Variants in KLRG1 observed in about 807,000 individuals in gnomAD.
The protein encoded by KLRG1 is killer cell lectin like receptor G1.
KLRG1 carries 16 observed loss-of-function variants against 21.8 expected under a neutral mutation model. The observed-to-expected ratio is 0.73, with a 90% CI of 0.50 to 1.11. KLRG1 has a LOEUF of 1.11. Ranked by LOEUF, KLRG1 falls within the 50% of genes most tolerant of loss-of-function variation. KLRG1 has a pLI of 0.00. For missense variants in KLRG1, 173 were observed against 218.3 expected, an observed-to-expected ratio of 0.79 and a Z score of 1.31; for synonymous variants, 69 against 75.9, an observed-to-expected ratio of 0.91 and a Z score of 0.47.
chr12:9,079,280 A>T, the KLRG1 span: 1 of 1,613,726 alleles, frequency 6.2e-7, no homozygotes. Context: ...TCGCTCCCCA[A>T]AGGTGCTGTA....
At chr12:9,159,972 C>T in the KLRG1 span, 1 of 1,613,878 alleles carries the variant, frequency 6.2e-7, no homozygotes, top group Non-Finnish European at 8.5e-7. Context: ...TATCGTTCCC[C>T]AAAGGTGCTG....
the KLRG1 span, among the ~76,000 whole-genome samples, chr12:9,105,630 A>G: frequency 6.6e-6 from 1 of 152,326 alleles, no homozygotes; most frequent in East Asian, 1.9e-4. Flanking sequence ...AAATTGTAAG[A>G]GAAGATTTTT....
the KLRG1 span, among the ~76,000 whole-genome samples, chr12:9,186,313 G>T: frequency 6.6e-6 from 1 of 152,166 alleles, no homozygotes; most frequent in East Asian, 1.9e-4. Flanking sequence ...CCACACTGAA[G>T]TACACAGACC....
chr12:8,984,540 A>T (rs778950950), intron 1 of KLRG1, among the ~76,000 whole-genome samples: 1 of 152,156 alleles, frequency 6.6e-6, no homozygotes, highest in Non-Finnish European at 1.5e-5. Flanking sequence ...GCTGTGAGCC[A>T]CCGTGCCTGG....
At chr12:9,189,979 G>A in the KLRG1 span, among the ~76,000 whole-genome samples, 1 of 151,906 alleles carries the variant, frequency 6.6e-6, no homozygotes, top group Admixed American at 6.5e-5. Context: ...CTATTATTAA[G>A]AGTCAAAAAA....
At position 9,009,844 on chromosome 12, in the gene KLRG1, C is replaced by T; in HGVS notation, c.*307C>T. 1 of 1,454,910 alleles carries T rather than the reference C, an allele frequency of 6.9e-7. No homozygotes were observed. The highest frequency in any genetic ancestry group is 9.0e-7 in the Non-Finnish European group (1 of 1,108,580). 90.1% of individuals were successfully genotyped at this position (1,454,910 alleles called of 1,614,324 possible). On this transcript the variant is annotated 3_prime_UTR_variant, in exon 5 of 5. Transcript: ENST00000356986. ...CCACTCTCATCCCCGTCCCAACCAT[C>T]TCTGTCAAAAATATACCTTTTTCAT...
At chr12:8,994,547 G>A (rs911710818) in intron 2 of KLRG1, among the ~76,000 whole-genome samples, 1 of 152,156 alleles carries the variant, frequency 6.6e-6, no homozygotes, top group Admixed American at 6.5e-5. Context: ...AGGTATAAGG[G>A]TTTTTTTCCA....
At chr12:9,181,967 T>G in the KLRG1 span, 1 of 1,612,430 alleles carries the variant, frequency 6.2e-7, no homozygotes, top group Non-Finnish European at 8.5e-7. Flanking sequence ...TTATGTTAAA[T>G]CGCTCACCTT....
the KLRG1 span, among the ~76,000 whole-genome samples, chr12:9,048,057 A>G: frequency 6.6e-6 from 1 of 152,128 alleles, no homozygotes; most frequent in Non-Finnish European, 1.5e-5. Flanking sequence ...ATCCAACAAC[A>G]GTAGAATACA....
chr12:8,993,080 AATTT>A (rs1424602280), intron 2 of KLRG1, among the ~76,000 whole-genome samples: 1 of 81,582 alleles, frequency 1.2e-5, no homozygotes, highest in African/African-American at 5.0e-5. Context: ...AAACATTCTG[AATTT>A]TTTTTTTTTT....
the KLRG1 span, chr12:9,201,244 G>T: frequency 7.4e-7 from 1 of 1,345,104 alleles, no homozygotes; most frequent in Non-Finnish European, 1.0e-6. Flanking sequence ...TTTTAAAGTA[G>T]TTCATCTGTC....
the KLRG1 span, chr12:9,202,271 G>A: frequency 6.8e-7 from 1 of 1,478,188 alleles, no homozygotes; most frequent in East Asian, 2.3e-5. Context: ...CTCTGGGTGA[G>A]TATTCCCACT....
chr12:9,115,366 C>T, the KLRG1 span: 1 of 167,880 alleles, frequency 6.0e-6, no homozygotes, highest in Non-Finnish European at 1.3e-5. Flanking sequence ...GATTTTTATA[C>T]TCCAGGGCAT....
upstream of KLRG1, among the ~76,000 whole-genome samples, chr12:8,988,972 AT>A (rs1449238069): frequency 6.6e-6 from 1 of 152,216 alleles, no homozygotes; most frequent in African/African-American, 2.4e-5. Context: ...CTTTTTAGTT[AT>A]CTTTGCATGA....
chr12:8,973,196 C>A (rs1281532188), intron 1 of KLRG1, among the ~76,000 whole-genome samples: 1 of 148,734 alleles, frequency 6.7e-6, no homozygotes, highest in Admixed American at 6.7e-5. Context: ...AAAAGAATGC[C>A]ATTGGGACTT....
At chr12:8,969,535 A>T (rs754464439) in intron 1 of KLRG1, among the ~76,000 whole-genome samples, 1 of 144,996 alleles carries the variant, frequency 6.9e-6, no homozygotes, top group African/African-American at 2.7e-5. Flanking sequence ...TATTTTAGTT[A>T]AAAAAAAAAG....
At chr12:9,048,291 C>T in the KLRG1 span, among the ~76,000 whole-genome samples, 25 of 151,894 alleles carry the variant, frequency 1.6e-4, no homozygotes, top group African/African-American at 7.3e-5. Context: ...AGAAGTCTTA[C>T]GAGAAATTTA....
chr12:8,985,506 C>A (rs1592258075), upstream of KLRG1, among the ~76,000 whole-genome samples: 1 of 152,110 alleles, frequency 6.6e-6, no homozygotes, highest in South Asian at 2.1e-4. Flanking sequence ...TGCAAGATCA[C>A]CCCCTACACC....
the KLRG1 span, among the ~76,000 whole-genome samples, chr12:9,144,040 A>C: frequency 6.6e-6 from 1 of 152,158 alleles, no homozygotes; most frequent in Admixed American, 6.5e-5. Flanking sequence ...GGCATACCTG[A>C]CTTTCCCGGG....
Sources: gnomAD v4.1 joint callset for allele counts (sites outside exome capture counted in the v4.1 genomes callset) on GRCh38, gnomAD v4.1.1 for gene constraint, MANE v1.5 for transcripts, NCBI Gene and HGNC (gene_info 2026-07-23, HGNC 2026-07-21) for gene names.